Variants in ABTB3 observed in about 807,000 individuals in gnomAD.
The protein encoded by ABTB3 is ankyrin repeat- and BTB/POZ domain-containing protein 3.
the ABTB3 span, among the ~76,000 whole-genome samples, chr12:107,470,089 A>G: frequency 6.8e-6 from 1 of 147,624 alleles, no homozygotes; most frequent in East Asian, 2.0e-4. Flanking sequence ...CCCAGGCTGG[A>G]GCGCAGTGGC....
chr12:107,334,292 G>A, the ABTB3 span, among the ~76,000 whole-genome samples: 1 of 152,190 alleles, frequency 6.6e-6, no homozygotes, highest in African/African-American at 2.4e-5. Context: ...AGGCAGGAGA[G>A]GATGGTGGCC....
At chr12:107,405,965 C>T in the ABTB3 span, among the ~76,000 whole-genome samples, 1 of 152,188 alleles carries the variant, frequency 6.6e-6, no homozygotes, top group Admixed American at 6.5e-5. Flanking sequence ...CTTGGAAAGC[C>T]TGTACTTTCT....
At chr12:107,510,566 G>A in the ABTB3 span, among the ~76,000 whole-genome samples, 4 of 152,072 alleles carry the variant, frequency 2.6e-5, no homozygotes, top group African/African-American at 9.7e-5. Flanking sequence ...ATAAAACAGA[G>A]TGAGGGGATG....
At chr12:107,493,177 G>T in the ABTB3 span, among the ~76,000 whole-genome samples, 1 of 152,136 alleles carries the variant, frequency 6.6e-6, no homozygotes, top group African/African-American at 2.4e-5. Context: ...GGAGCACTGG[G>T]GGGCCTCCCC....
At chr12:107,521,138 TGAG>T in the ABTB3 span, among the ~76,000 whole-genome samples, 1 of 151,962 alleles carries the variant, frequency 6.6e-6, no homozygotes, top group Non-Finnish European at 1.5e-5. Context: ...AATGGAAAAG[TGAG>T]GAGGAGGATT....
the ABTB3 span, among the ~76,000 whole-genome samples, chr12:107,341,385 C>T: frequency 0.44 from 66,876 of 151,874 alleles, 18,078 homozygotes; most frequent in African/African-American, 0.77. Flanking sequence ...GCCCCAACCC[C>T]GTGAGGCTGT....
At chr12:107,567,297 G>A in the ABTB3 span, among the ~76,000 whole-genome samples, 1 of 152,240 alleles carries the variant, frequency 6.6e-6, no homozygotes, top group African/African-American at 2.4e-5. Context: ...GGAGCTTAGA[G>A]TTCATATGGC....
chr12:107,453,088 C>T, the ABTB3 span, among the ~76,000 whole-genome samples: 3 of 152,020 alleles, frequency 2.0e-5, no homozygotes, highest in East Asian at 1.9e-4. Context: ...TCTAGGGAAT[C>T]GCATGTGTAA....
At chr12:107,628,247 T>C in the ABTB3 span, among the ~76,000 whole-genome samples, 4 of 152,330 alleles carry the variant, frequency 2.6e-5, no homozygotes, top group South Asian at 8.3e-4. Flanking sequence ...TTCAAGCGAC[T>C]CTCATGCCTC....
At chr12:107,497,324 C>T in the ABTB3 span, among the ~76,000 whole-genome samples, 1 of 151,864 alleles carries the variant, frequency 6.6e-6, no homozygotes, top group African/African-American at 2.4e-5. Context: ...ACCATCACCA[C>T]CATCACCATC....
At chr12:107,653,171 C>T in the ABTB3 span, among the ~76,000 whole-genome samples, 7 of 152,286 alleles carry the variant, frequency 4.6e-5, no homozygotes, top group Non-Finnish European at 1.0e-4. Context: ...ACACACAGCT[C>T]TGGACAGTGA....
the ABTB3 span, among the ~76,000 whole-genome samples, chr12:107,645,394 C>T: frequency 4.5e-4 from 69 of 152,292 alleles, 1 homozygote; most frequent in African/African-American, 1.5e-3. Flanking sequence ...CCATAATCCC[C>T]ACCTTACAGA....
At chr12:107,648,746 C>A in the ABTB3 span, among the ~76,000 whole-genome samples, 1 of 152,142 alleles carries the variant, frequency 6.6e-6, no homozygotes, top group African/African-American at 2.4e-5. Context: ...CAACAGGAGG[C>A]TTTGAGTCAA....
chr12:107,590,182 G>A, the ABTB3 span, among the ~76,000 whole-genome samples: 2 of 152,210 alleles, frequency 1.3e-5, no homozygotes, highest in Non-Finnish European at 2.9e-5. Flanking sequence ...CCAAAGTGCT[G>A]GGATTACAGG....
the ABTB3 span, chr12:107,649,117 A>C: frequency 2.5e-6 from 3 of 1,203,722 alleles, no homozygotes; most frequent in Non-Finnish European, 3.7e-6. Flanking sequence ...TAGAGGTCTC[A>C]GGAACTAAGC....
chr12:107,319,768 G>C, the ABTB3 span: 9 of 1,480,254 alleles, frequency 6.1e-6, no homozygotes, highest in Admixed American at 1.1e-4. Flanking sequence ...GCCCGAGCTC[G>C]GGCCCTGGTG....
the ABTB3 span, among the ~76,000 whole-genome samples, chr12:107,433,588 T>C: frequency 7.2e-5 from 11 of 152,158 alleles, no homozygotes; most frequent in African/African-American, 2.4e-4. Flanking sequence ...TTCTCCTCTC[T>C]GCATCCTCAC....
chr12:107,496,337 T>A, the ABTB3 span, among the ~76,000 whole-genome samples: 1,428 of 152,038 alleles, frequency 9.4e-3, 25 homozygotes, highest in African/African-American at 0.031. Context: ...TCATTATTAA[T>A]CCCCCCTTTA....
the ABTB3 span, among the ~76,000 whole-genome samples, chr12:107,606,352 C>T: frequency 2.6e-5 from 4 of 152,114 alleles, no homozygotes; most frequent in East Asian, 1.9e-4. Flanking sequence ...ATCTTAGCTA[C>T]GGTAATTTTC....
Sources: gnomAD v4.1 joint callset for allele counts (sites outside exome capture counted in the v4.1 genomes callset) on GRCh38, gnomAD v4.1.1 for gene constraint, MANE v1.5 for transcripts, NCBI Gene and HGNC (gene_info 2026-07-23, HGNC 2026-07-21) for gene names.